SLC8A3: variants seen among roughly 807,000 people sequenced by gnomAD.
The protein encoded by SLC8A3 is sodium/calcium exchanger 3.
SLC8A3 carries 37 observed loss-of-function variants against 65.4 expected under a neutral mutation model. That is an observed-to-expected ratio of 0.57 (90% confidence interval 0.44 to 0.74). The LOEUF (loss-of-function observed/expected upper bound fraction) is 0.74. Among genes scored for constraint, SLC8A3 ranks in the 30% least tolerant of loss-of-function variants. SLC8A3 has a pLI of 0.00. For synonymous variants in SLC8A3, 461 were observed against 444.5 expected, an observed-to-expected ratio of 1.04 and a Z score of -0.47; for missense variants, 1,112 against 1,172.1, an observed-to-expected ratio of 0.95 and a Z score of 0.75.
intron 2 of SLC8A3, among the ~76,000 whole-genome samples, chr14:70,064,141 A>T (rs1287957656): frequency 6.6e-6 from 1 of 152,142 alleles, no homozygotes; most frequent in Non-Finnish European, 1.5e-5. Flanking sequence ...TCATGGCATG[A>T]TCATATTTGA....
chr14:70,055,876 C>G, intron 3 of SLC8A3: 1 of 1,470,576 alleles, frequency 6.8e-7, no homozygotes, highest in Non-Finnish European at 9.4e-7. Flanking sequence ...AATGTCCCAT[C>G]TTGAAAGTAT....
chr14:70,096,841 G>A (rs1386017014), intron 2 of SLC8A3, among the ~76,000 whole-genome samples: 3 of 152,094 alleles, frequency 2.0e-5, no homozygotes, highest in Non-Finnish European at 4.4e-5. Flanking sequence ...GGATGAGGAG[G>A]GAAGCTGTAA....
chr14:70,055,752 T>C (rs750541971), intron 3 of SLC8A3: 2 of 1,573,902 alleles, frequency 1.3e-6, no homozygotes, highest in Non-Finnish European at 1.7e-6. Context: ...ATAATGGCAC[T>C]GGCAAGAAGT....
intron 2 of SLC8A3, among the ~76,000 whole-genome samples, chr14:70,143,565 C>T (rs191992983): frequency 2.8e-4 from 43 of 152,214 alleles, no homozygotes; most frequent in Non-Finnish European, 4.3e-4. Flanking sequence ...CCCAGCCCCA[C>T]GTCAACACAA....
intron 1 of SLC8A3, among the ~76,000 whole-genome samples, chr14:70,169,764 T>G (rs1897394523): frequency 6.6e-6 from 1 of 152,000 alleles, no homozygotes; most frequent in South Asian, 2.1e-4. Context: ...AATGCTGATT[T>G]GTGTTTGTAC....
chr14:70,128,507 T>C (rs1003840664), intron 2 of SLC8A3, among the ~76,000 whole-genome samples: 5 of 152,212 alleles, frequency 3.3e-5, no homozygotes, highest in African/African-American at 9.7e-5. Flanking sequence ...CATACTACCA[T>C]GACAAAGCCC....
chr14:70,147,493 T>C (rs141481530), intron 2 of SLC8A3, among the ~76,000 whole-genome samples: 1 of 152,320 alleles, frequency 6.6e-6, no homozygotes, highest in African/African-American at 2.4e-5. Context: ...CTGTGATTAT[T>C]TGCCATGATT....
chr14:70,056,013 C>G (rs553848371), intron 3 of SLC8A3, among the ~76,000 whole-genome samples: 11 of 152,248 alleles, frequency 7.2e-5, no homozygotes, highest in African/African-American at 2.2e-4. Flanking sequence ...TGTGAGCAGC[C>G]GGAGAGGCTG....
Position 70,148,786 on chromosome 14 carries a change from G to A in SLC8A3, c.1784+17853C>T, listed in dbSNP as rs964351124. Among the ~76,000 whole-genome samples, 25 of 152,228 alleles carry A rather than the reference G, an allele frequency of 1.6e-4. 1 individual carries two copies. The highest frequency in any genetic ancestry group is 1.0e-4 in the Non-Finnish European group (7 of 68,040). ...CTTAGCCAGTGGTTAGGCCAGGGCT[G>A]ATCAGTGACCAGAACAGGGCAGCAG... On this transcript the variant is annotated intron_variant, in intron 2 of 6. Coordinates refer to ENST00000356921, the MANE Select transcript of SLC8A3 (RefSeq NM_182932.3).
chr14:70,112,300 G>A (rs1368478806), intron 2 of SLC8A3, among the ~76,000 whole-genome samples: 1 of 152,180 alleles, frequency 6.6e-6, no homozygotes, highest in Non-Finnish European at 1.5e-5. Flanking sequence ...TCAGTGTCTC[G>A]GAATAAATCA....
intron 1 of SLC8A3, among the ~76,000 whole-genome samples, chr14:70,169,626 C>T (rs1280270547): frequency 6.9e-6 from 1 of 143,946 alleles, no homozygotes; most frequent in Non-Finnish European, 1.5e-5. Flanking sequence ...CATCTTACCA[C>T]TCACTGCCTC....
intron 2 of SLC8A3, among the ~76,000 whole-genome samples, chr14:70,145,761 C>G (rs1895886822): frequency 6.6e-6 from 1 of 152,218 alleles, no homozygotes; most frequent in African/African-American, 2.4e-5. Flanking sequence ...CCCTGTCCCC[C>G]AGCCCTACCT....
chr14:70,055,924 A>G (rs1438314300), intron 3 of SLC8A3: 1 of 944,662 alleles, frequency 1.1e-6, no homozygotes, highest in African/African-American at 1.6e-5. Context: ...TAAGGAAAGC[A>G]GAGAGCTTAG....
chr14:70,096,084 G>A (rs1200838593), intron 2 of SLC8A3, among the ~76,000 whole-genome samples: 1 of 152,072 alleles, frequency 6.6e-6, no homozygotes, highest in African/African-American at 2.4e-5. Context: ...GTTTCACCAT[G>A]TTGGTCAGGC....
intron 2 of SLC8A3, among the ~76,000 whole-genome samples, chr14:70,154,127 C>A (rs1896435952): frequency 1.3e-5 from 2 of 152,202 alleles, no homozygotes; most frequent in African/African-American, 4.8e-5. Flanking sequence ...AGGAAAGAAG[C>A]CAACTCCTTA....
At chr14:70,134,833 C>T (rs1895081464) in intron 2 of SLC8A3, among the ~76,000 whole-genome samples, 1 of 152,208 alleles carries the variant, frequency 6.6e-6, no homozygotes, top group South Asian at 2.1e-4. Context: ...ATGTGTTGAG[C>T]TGTGTCCCAC....
chr14:70,171,814 G>T (rs913180012), intron 1 of SLC8A3, among the ~76,000 whole-genome samples: 3 of 152,008 alleles, frequency 2.0e-5, no homozygotes, highest in Non-Finnish European at 4.4e-5. Flanking sequence ...AACAAAAAAA[G>T]AAAAAGAAAA....
intron 2 of SLC8A3, among the ~76,000 whole-genome samples, chr14:70,161,947 T>G (rs1427991223): frequency 6.6e-6 from 1 of 152,244 alleles, no homozygotes; most frequent in Non-Finnish European, 1.5e-5. Flanking sequence ...AGGCCTAGCC[T>G]GAAGTTCACC....
rs746204133 is a variant in SLC8A3 at position 70,051,004 on chromosome 14, T to C, written c.2113+4A>G. 6.2e-7 allele frequency: 1 copy of C among 1,600,516 alleles called. No individual in the cohort carries two copies. The highest frequency in any genetic ancestry group is 8.6e-7 in the Non-Finnish European group (1 of 1,167,772). On this transcript the variant is annotated splice_donor_region_variant and intron_variant, in intron 5 of 6. Transcript: ENST00000356921. ...CAGCAAGGCCAGCCTGAGACACTTC[T>C]CACCTGCACTGACGGTGATGGCCTC...
Sources: gnomAD v4.1 joint callset for allele counts (sites outside exome capture counted in the v4.1 genomes callset) on GRCh38, gnomAD v4.1.1 for gene constraint, MANE v1.5 for transcripts, NCBI Gene and HGNC (gene_info 2026-07-23, HGNC 2026-07-21) for gene names.